The following EPHX2 variants were observed in gnomAD, a reference collection of about 807,000 sequenced individuals.
EPHX2 encodes the protein bifunctional epoxide hydrolase 2.
EPHX2 carries 74 observed loss-of-function variants against 78.7 expected under a neutral mutation model. The ratio of observed to expected loss-of-function variants is 0.94; its 90% CI spans 0.78 to 1.14. The LOEUF is 1.14. EPHX2 is among the 50% of genes most tolerant of loss of function. EPHX2 has a pLI of 0.00. For synonymous variants in EPHX2, 251 were observed against 255.2 expected, an observed-to-expected ratio of 0.98 and a Z score of 0.16; for missense variants, 715 against 702.5, an observed-to-expected ratio of 1.02 and a Z score of -0.20.
chr8:27,512,171 T>G (rs1814277938), intron 6 of EPHX2: 1 of 433,864 alleles, frequency 2.3e-6, no homozygotes, highest in East Asian at 4.3e-5. Context: ...ATCCACTATT[T>G]ATAAGGAAAT....
In EPHX2 at chr8:27,506,970, A is replaced by G; in HGVS notation, c.636A>G (p.Glu212=). The change falls in exon 5 of 19, where the codon GAA becomes GAG. Residue 212 remains glutamate (E), a synonymous_variant. Transcript: ENST00000521400. ...AGGACACTGACACGGCCCTGAAAGA[A>G]CTGGAGAAAGTGACCGGAATCCAGG... is the stretch of plus-strand genomic sequence containing the variant. The part of the protein sequence containing the change: ...LVQDTDTALK[E]LEKVTGIQLL... 1 of 1,614,080 alleles carries G rather than the reference A, an allele frequency of 6.2e-7. No homozygotes were observed. The highest frequency in any genetic ancestry group is 8.5e-7 in the Non-Finnish European group (1 of 1,180,030).
intron 4 of EPHX2, 125 bp from the exon 5 acceptor site, chr8:27,506,747 T>A: frequency 7.4e-7 from 1 of 1,350,136 alleles, no homozygotes; most frequent in Non-Finnish European, 1.0e-6. Flanking sequence ...AATTAAATGC[T>A]TTCCATTTTA....
At chr8:27,496,654 G>A (rs1443900546) in intron 1 of EPHX2, among the ~76,000 whole-genome samples, 1 of 152,054 alleles carries the variant, frequency 6.6e-6, no homozygotes, top group African/African-American at 2.4e-5. Context: ...GGTGTTGCAG[G>A]GACTGCTGCA....
chr8:27,543,009 CCCCCCCG>C (rs1310391614), intron 16 of EPHX2, among the ~76,000 whole-genome samples: 1 of 136,032 alleles, frequency 7.4e-6, no homozygotes, highest in Non-Finnish European at 1.6e-5. Context: ...CATCCTCTCC[CCCCCCCG>C]CCCCCCGCCC....
intron 14 of EPHX2, 133 bp downstream of exon 14, chr8:27,538,825 C>A: frequency 1.0e-6 from 1 of 971,488 alleles, no homozygotes; most frequent in East Asian, 2.5e-5. Flanking sequence ...CCAGGGTCCC[C>A]TCGGCATGCA....
rs138892309 is a variant in EPHX2, at chr8:27,540,167, G to A, written c.1277-387G>A. On this transcript the variant is annotated intron_variant, in intron 14 of 18. Transcript: ENST00000521400. ...TATGAAAATTCCAAGAATCTCTGGC[G>A]ATATCTCCAAAGGGCCACAGTTAAG... Among the ~76,000 whole-genome samples the A allele has an allele frequency of 3.3e-3, 499 of 152,248 alleles. 1 individual carries two copies. Among genetic ancestry groups the A allele is most frequent in the Non-Finnish European group, 5.7e-3 (391 of 68,014 alleles).
intron 8 of EPHX2, among the ~76,000 whole-genome samples, chr8:27,516,907 A>C (rs918880401): frequency 4.8e-5 from 7 of 147,158 alleles, no homozygotes; most frequent in African/African-American, 1.8e-4. Flanking sequence ...ACGGCACCAC[A>C]ATTTCCTTCC....
chr8:27,504,726 C>G (rs1326647040), intron 3 of EPHX2, among the ~76,000 whole-genome samples: 2 of 152,184 alleles, frequency 1.3e-5, no homozygotes, highest in Non-Finnish European at 2.9e-5. Context: ...GTTTCTCCAT[C>G]TAGGCTTCTG....
At chr8:27,532,382 C>T (rs773407022) in intron 12 of EPHX2, among the ~76,000 whole-genome samples, 2 of 152,326 alleles carry the variant, frequency 1.3e-5, no homozygotes, top group East Asian at 1.9e-4. Flanking sequence ...TCTTTAAATC[C>T]TACAGACCAA....
At chr8:27,527,315 C>A (rs60257378) in intron 12 of EPHX2, among the ~76,000 whole-genome samples, 1 of 152,132 alleles carries the variant, frequency 6.6e-6, no homozygotes, top group African/African-American at 2.4e-5. Flanking sequence ...CCACATGCCT[C>A]GGCCTCCCAA....
At chr8:27,541,990 G>A (rs544086810) in intron 16 of EPHX2, among the ~76,000 whole-genome samples, 2 of 152,090 alleles carry the variant, frequency 1.3e-5, no homozygotes, top group South Asian at 4.2e-4. Context: ...TTCCTCATTT[G>A]TCAAGCAGAA....
chr8:27,519,860 A>C (rs1366046226), intron 9 of EPHX2, among the ~76,000 whole-genome samples: 1 of 152,186 alleles, frequency 6.6e-6, no homozygotes, highest in African/African-American at 2.4e-5. Flanking sequence ...CACAGTCTGC[A>C]CAGGTCTGGC....
chr8:27,539,865 G>T (rs937805196), intron 14 of EPHX2, among the ~76,000 whole-genome samples: 1 of 152,224 alleles, frequency 6.6e-6, no homozygotes, highest in African/African-American at 2.4e-5. Flanking sequence ...GGAATGACCA[G>T]TTCCTGTGCC....
intron 12 of EPHX2, 62 bp downstream of exon 12, chr8:27,525,535 CCTT>C (rs1814813857): frequency 3.7e-6 from 5 of 1,366,838 alleles, no homozygotes; most frequent in South Asian, 3.5e-5. Context: ...CTTCCTGTCT[CCTT>C]CTTATTTGCT....
At chr8:27,529,888 GC>G (rs770557893) in intron 12 of EPHX2, among the ~76,000 whole-genome samples, 1,999 of 97,314 alleles carry the variant, frequency 0.021, 25 homozygotes, top group Middle Eastern at 0.031. Context: ...TCCAGCCTGA[GC>G]AAAAAAAAAA....
chr8:27,544,330 G>A, intron 18 of EPHX2, 86 bp downstream of exon 18: 1 of 1,600,164 alleles, frequency 6.2e-7, no homozygotes, highest in Admixed American at 1.7e-5. Context: ...TCATTGTGCT[G>A]GCTTTGGCCT....
At chr8:27,543,661 C>A (rs1057191752) in intron 16 of EPHX2, 88 bp from the exon 17 acceptor site, 58 of 1,333,626 alleles carry the variant, frequency 4.3e-5, no homozygotes, top group Non-Finnish European at 6.0e-5. Context: ...AGGACCACAG[C>A]AGGGTGGCGA....
chr8:27,507,422 C>T (rs548356108), intron 5 of EPHX2, among the ~76,000 whole-genome samples: 10 of 152,254 alleles, frequency 6.6e-5, no homozygotes, highest in East Asian at 3.9e-4. Context: ...AAAGCCTGTC[C>T]GTCCCTGAGG....
chr8:27,525,244 AC>A, intron 11 of EPHX2, 117 bp from the exon 12 acceptor site: 1 of 830,932 alleles, frequency 1.2e-6, no homozygotes, highest in Non-Finnish European at 2.0e-6. Context: ...CTAGTGTATG[AC>A]CTTGTGCATA....
Sources: allele counts gnomAD v4.1 joint callset (sites outside exome capture counted in the v4.1 genomes callset), GRCh38; gene constraint gnomAD v4.1.1; transcripts MANE v1.5; gene names NCBI Gene and HGNC (gene_info 2026-07-23, HGNC 2026-07-21).